Variants in RNF150 observed in about 807,000 individuals in gnomAD.
RNF150 encodes the protein ring finger protein 150.
Under a neutral mutation model 39.3 loss-of-function variants are expected in RNF150, and 24 were observed. The observed-to-expected ratio is 0.61, with a 90% CI of 0.44 to 0.86. RNF150 has a LOEUF of 0.86. Among genes scored for constraint, RNF150 ranks in the 40% least tolerant of loss-of-function variants. The probability of loss-of-function intolerance (pLI) is 0.00; values close to 1 mark genes in which losing one functional copy is unlikely to be tolerated. For missense variants in RNF150, 502 were observed against 587.8 expected (o/e 0.85, Z 1.51); for synonymous variants, 255 against 227.3 (o/e 1.12, Z -1.10).
At chr4:141,076,604 T>G (rs1035474621) in intron 1 of RNF150, among the ~76,000 whole-genome samples, 1 of 151,718 alleles carries the variant, frequency 6.6e-6, no homozygotes, top group African/African-American at 2.4e-5. Context: ...TTTCAGCACC[T>G]TTGTGGGTAG....
intron 1 of RNF150, among the ~76,000 whole-genome samples, chr4:141,075,675 A>G (rs1262327021): frequency 6.6e-6 from 1 of 152,228 alleles, no homozygotes; most frequent in African/African-American, 2.4e-5. Context: ...AAACTGAAAT[A>G]GGACTTAAAT....
intron 1 of RNF150, among the ~76,000 whole-genome samples, chr4:141,029,861 TA>T (rs1735863347): frequency 6.6e-6 from 1 of 152,180 alleles, no homozygotes; most frequent in Non-Finnish European, 1.5e-5. Context: ...GCAAATGACT[TA>T]AATAGACATT....
chr4:141,178,011 T>G (rs1727842893), intron 1 of RNF150, among the ~76,000 whole-genome samples: 1 of 152,164 alleles, frequency 6.6e-6, no homozygotes, highest in Non-Finnish European at 1.5e-5. Context: ...TCTCAAAATA[T>G]CTATAAAACT....
intron 1 of RNF150, among the ~76,000 whole-genome samples, chr4:141,007,830 A>C (rs992648429): frequency 6.6e-6 from 1 of 152,220 alleles, no homozygotes; most frequent in Non-Finnish European, 1.5e-5. Flanking sequence ...AGAGAGGTAC[A>C]TAACCACTAT....
intron 6 of RNF150, among the ~76,000 whole-genome samples, chr4:140,891,737 A>G (rs558309124): frequency 9.2e-5 from 14 of 152,286 alleles, no homozygotes; most frequent in African/African-American, 3.4e-4. Flanking sequence ...ACCGACTGGT[A>G]CCAGTCCATG....
intron 1 of RNF150, among the ~76,000 whole-genome samples, chr4:141,107,116 T>C (rs915724495): frequency 1.8e-4 from 27 of 152,316 alleles, no homozygotes; most frequent in East Asian, 3.9e-4. Flanking sequence ...AAATAAAGGA[T>C]GACATCAATT....
At chr4:141,000,007 AG>A (rs1447176455) in intron 1 of RNF150, among the ~76,000 whole-genome samples, 1,443 of 35,154 alleles carry the variant, frequency 0.041, 217 homozygotes, top group Non-Finnish European at 0.059. Flanking sequence ...AAGAAGAAGA[AG>A]AAGAAGAAGA....
chr4:141,018,160 G>A (rs1176380871), intron 1 of RNF150, among the ~76,000 whole-genome samples: 12 of 152,192 alleles, frequency 7.9e-5, no homozygotes, highest in Admixed American at 6.5e-4. Context: ...GGAGGTGGAA[G>A]AGCAACAACT....
In RNF150 at chr4:140,951,231, T is replaced by C. The variant is rs141997206; in HGVS notation, c.736-1859A>G. On this transcript the variant is annotated intron_variant, in intron 2 of 6. Coordinates refer to ENST00000515673, the MANE Select transcript of RNF150 (RefSeq NM_020724.2). ...GTTTTTATGATCAATTCCTGTTAGATTGCCCTCAGATATGCTCCCTGAGGG... is the reference window on the plus strand; with the variant it reads ...GTTTTTATGATCAATTCCTGTTAGACTGCCCTCAGATATGCTCCCTGAGGG... Among the ~76,000 whole-genome samples the C allele has an allele frequency of 2.6e-4, 40 of 152,284 alleles. No homozygotes were observed. In the East Asian group the frequency reaches 6.7e-3, roughly 26 times the overall value.
intron 1 of RNF150, among the ~76,000 whole-genome samples, chr4:141,110,767 A>T (rs1739361214): frequency 6.6e-6 from 1 of 151,908 alleles, no homozygotes; most frequent in African/African-American, 2.4e-5. Flanking sequence ...GGTGTTAATA[A>T]ATTTCCATTT....
At chr4:141,199,318 T>G (rs1012973691) in intron 1 of RNF150, among the ~76,000 whole-genome samples, 1 of 152,218 alleles carries the variant, frequency 6.6e-6, no homozygotes, top group Non-Finnish European at 1.5e-5. Context: ...GTCAGTTTCT[T>G]ATTAAGACAC....
chr4:140,968,056 C>G (rs566530602), intron 1 of RNF150, among the ~76,000 whole-genome samples, 183 bp from the exon 2 acceptor site: 78 of 152,200 alleles, frequency 5.1e-4, no homozygotes, highest in Non-Finnish European at 2.9e-5. Context: ...CTTCAGCTAC[C>G]TAGCTTTCTT....
Position 140,876,466 on chromosome 4 carries a change from TTA to T in RNF150, c.1199-8089_1199-8088del, listed in dbSNP as rs1224739877. On this transcript the variant is annotated intron_variant, in intron 6 of 6. Coordinates refer to ENST00000515673, the MANE Select transcript of RNF150 (RefSeq NM_020724.2). ...GGAGATAAACTACTTCCCACTTGGT[TTA>T]TGTTTTCCCATTTATGAGTGGCCTC... is the stretch of plus-strand genomic sequence containing the variant. 3.9e-5 allele frequency among the ~76,000 whole-genome samples: 6 copies of T among 152,348 alleles called. No individual in the cohort carries two copies. In the East Asian group the frequency reaches 1.2e-3, roughly 29 times the overall value.
At chr4:141,046,730 T>C (rs1009074267) in intron 1 of RNF150, among the ~76,000 whole-genome samples, 1 of 152,180 alleles carries the variant, frequency 6.6e-6, no homozygotes, top group Non-Finnish European at 1.5e-5. Flanking sequence ...ATTTATTCCA[T>C]TGATTAGGGA....
chr4:141,040,453 C>T (rs1271529201), intron 1 of RNF150, among the ~76,000 whole-genome samples: 1 of 152,030 alleles, frequency 6.6e-6, no homozygotes, highest in East Asian at 1.9e-4. Context: ...TAATGAATTC[C>T]TTGGAGATGG....
At chr4:141,020,087 T>C (rs1046801029) in intron 1 of RNF150, among the ~76,000 whole-genome samples, 12 of 141,654 alleles carry the variant, frequency 8.5e-5, no homozygotes, top group Non-Finnish European at 1.6e-5. Flanking sequence ...CAAGGGAGTT[T>C]TTTTTTGGTT....
At chr4:141,152,246 T>G (rs1727314445) in intron 1 of RNF150, among the ~76,000 whole-genome samples, 1 of 152,202 alleles carries the variant, frequency 6.6e-6, no homozygotes, top group Non-Finnish European at 1.5e-5. Context: ...AATTCAGCCA[T>G]GTTGCTTTTG....
chr4:141,081,769 A>G (rs1376515811), intron 1 of RNF150, among the ~76,000 whole-genome samples: 1 of 152,220 alleles, frequency 6.6e-6, no homozygotes, highest in African/African-American at 2.4e-5. Flanking sequence ...CTTTAGAGAT[A>G]GACACTTTTC....
chr4:140,921,919 CG>C (rs1731170983), intron 5 of RNF150, among the ~76,000 whole-genome samples: 1 of 151,742 alleles, frequency 6.6e-6, no homozygotes, highest in African/African-American at 2.4e-5. Context: ...AATTCAACAA[CG>C]CTTCATGCTA....
Sources: allele counts gnomAD v4.1 joint callset (sites outside exome capture counted in the v4.1 genomes callset), GRCh38; gene constraint gnomAD v4.1.1; transcripts MANE v1.5; gene names NCBI Gene and HGNC (gene_info 2026-07-23, HGNC 2026-07-21).